The following FRY variants were observed in gnomAD, a reference collection of about 807,000 sequenced individuals.
The protein encoded by FRY is FRY microtubule binding protein.
A neutral mutation model predicts 348.4 loss-of-function variants in FRY; 128 were observed. That is an observed-to-expected ratio of 0.37 (90% CI 0.32 to 0.43). FRY has a LOEUF of 0.43. Ranked by LOEUF, FRY falls within the 20% of genes least tolerant of loss-of-function variation. The pLI is 1.00. For missense variants in FRY, 2,736 were observed against 3,695.2 expected, an observed-to-expected ratio of 0.74 and a Z score of 6.73; for synonymous variants, 1,370 against 1,374.7, an observed-to-expected ratio of 1.00 and a Z score of 0.08.
chr13:32,212,162 C>A lies in FRY; in HGVS notation c.4592-130C>A, dbSNP rs550365936. 14 of 670,456 alleles carry A rather than the reference C, an allele frequency of 2.1e-5. No homozygotes were observed. In the East Asian group the frequency reaches 3.0e-4, roughly 14 times the overall value. The allele number at this position is 670,456 out of a possible 1,614,324, so 41.5% of individuals were successfully genotyped here. Reference sequence around the variant, plus strand: ...ATTGTTTAGAATGTCTGAGATTGTGCAGAAGATGTAAAAAATCTTCCAAAC... The same window carrying A: ...ATTGTTTAGAATGTCTGAGATTGTGAAGAAGATGTAAAAAATCTTCCAAAC... On this transcript the variant is annotated intron_variant, in intron 34 of 60. Transcript: ENST00000542859.
chr13:32,159,294 A>G (rs767118992), intron 16 of FRY, among the ~76,000 whole-genome samples: 3 of 152,008 alleles, frequency 2.0e-5, no homozygotes, highest in Non-Finnish European at 4.4e-5. Flanking sequence ...AGCATTTAGG[A>G]GAAGAGGGTG....
intron 29 of FRY, among the ~76,000 whole-genome samples, chr13:32,196,570 G>A (rs1410169911): frequency 6.6e-6 from 1 of 152,110 alleles, no homozygotes; most frequent in Non-Finnish European, 1.5e-5. Context: ...GACTGTGTGT[G>A]AGTGTGAGAG....
chr13:32,121,063 G>T (rs576027616), intron 4 of FRY, among the ~76,000 whole-genome samples: 1 of 152,254 alleles, frequency 6.6e-6, no homozygotes, highest in East Asian at 1.9e-4. Context: ...TAGAATAATA[G>T]TCTCCAATCT....
rs1424832077 is a variant in FRY, at chr13:32,257,827, C to T, written c.7416+3433C>T. 133 of 699,172 alleles carry T rather than the reference C, an allele frequency of 1.9e-4. No homozygotes were observed. The East Asian group carries it at 3.4e-3, about 18-fold the overall frequency. The allele number at this position is 699,172 out of a possible 1,614,324, so 43.3% of individuals were successfully genotyped here. On this transcript the variant is annotated intron_variant, in intron 51 of 60. Coordinates refer to ENST00000542859, the MANE Select transcript of FRY (RefSeq NM_023037.3). ...TATTTACCTTTTCTTTTAAGGTGCA[C>T]CTACTGAAGTGTATATTGTTAGCAC... is the stretch of plus-strand genomic sequence containing the variant.
intron 4 of FRY, among the ~76,000 whole-genome samples, chr13:32,119,748 G>T (rs368012327): frequency 6.6e-6 from 1 of 152,058 alleles, no homozygotes; most frequent in Non-Finnish European, 1.5e-5. Context: ...CCCCCAGCTC[G>T]CAGTGCCGCT....
chr13:32,243,841 C>T (rs1886634257), intron 46 of FRY, among the ~76,000 whole-genome samples: 1 of 152,094 alleles, frequency 6.6e-6, no homozygotes, highest in African/African-American at 2.4e-5. Flanking sequence ...GCCTATAATC[C>T]CAGATACTTT....
At chr13:32,077,656 T>A (rs986259313) in intron 1 of FRY, among the ~76,000 whole-genome samples, 3 of 152,236 alleles carry the variant, frequency 2.0e-5, no homozygotes, top group Non-Finnish European at 2.9e-5. Context: ...TCCTCAGAAC[T>A]TGGCTTGAGA....
chr13:32,259,119 A>C (rs145139035), intron 51 of FRY, among the ~76,000 whole-genome samples: 11 of 152,318 alleles, frequency 7.2e-5, no homozygotes, highest in African/African-American at 2.6e-4. Context: ...ATTTTCTCAC[A>C]TGTAGGAAAC....
At chr13:32,109,338 CA>C (rs1877802042) in intron 3 of FRY, among the ~76,000 whole-genome samples, 1 of 151,932 alleles carries the variant, frequency 6.6e-6, no homozygotes. Flanking sequence ...TTCTCAATCC[CA>C]GAAGGAAGAC....
At chr13:32,121,253 G>A (rs551185126) in intron 4 of FRY, among the ~76,000 whole-genome samples, 1 of 152,104 alleles carries the variant, frequency 6.6e-6, no homozygotes, top group African/African-American at 2.4e-5. Context: ...TATCTTTTTC[G>A]AATAATGACT....
chr13:32,054,592 G>A (rs1873520682), intron 1 of FRY, among the ~76,000 whole-genome samples: 4 of 152,274 alleles, frequency 2.6e-5, no homozygotes, highest in South Asian at 4.1e-4. Context: ...GTAAGAAACA[G>A]GCTGGGCGCA....
intron 48 of FRY, among the ~76,000 whole-genome samples, chr13:32,248,503 C>T (rs995260700): frequency 6.6e-6 from 1 of 150,984 alleles, no homozygotes; most frequent in African/African-American, 2.5e-5. Flanking sequence ...GCACATTCTG[C>T]ACATGTACCC....
At chr13:32,041,762 A>C (rs1351186160) in intron 1 of FRY, among the ~76,000 whole-genome samples, 5 of 152,202 alleles carry the variant, frequency 3.3e-5, no homozygotes, top group East Asian at 1.9e-4. Context: ...AGAATAGGAA[A>C]ATCAGAGATG....
At chr13:32,219,616 G>A (rs1253480927) in intron 36 of FRY, among the ~76,000 whole-genome samples, 11 of 151,478 alleles carry the variant, frequency 7.3e-5, no homozygotes, top group East Asian at 2.0e-4. Context: ...AAAATTAGCC[G>A]GGCATGGTGG....
intron 14 of FRY, among the ~76,000 whole-genome samples, chr13:32,150,709 G>C (rs1192414997): frequency 6.6e-6 from 1 of 152,168 alleles, no homozygotes; most frequent in African/African-American, 2.4e-5. Flanking sequence ...CAAATACATA[G>C]AGAGTTCCTG....
chr13:32,135,712 C>T (rs899465757), intron 10 of FRY, among the ~76,000 whole-genome samples: 3 of 152,178 alleles, frequency 2.0e-5, no homozygotes, highest in Non-Finnish European at 2.9e-5. Context: ...TTACCACCAC[C>T]TTTTACCCGC....
chr13:32,186,215 C>T, intron 26 of FRY, 45 bp from the exon 27 acceptor site: 1 of 1,347,042 alleles, frequency 7.4e-7, no homozygotes, highest in East Asian at 2.3e-5. Context: ...TAGCGATATA[C>T]AGTATGTCCA....
intron 1 of FRY, among the ~76,000 whole-genome samples, chr13:32,072,142 T>G (rs1476057768): frequency 6.6e-6 from 1 of 152,148 alleles, no homozygotes; most frequent in Non-Finnish European, 1.5e-5. Context: ...ATTCTGAAAC[T>G]TGAAGGAACA....
intron 4 of FRY, 21 bp from the exon 5 acceptor site, chr13:32,124,265 T>G: frequency 7.1e-7 from 1 of 1,407,122 alleles, no homozygotes; most frequent in Non-Finnish European, 1.0e-6. Context: ...TGCTTTAATG[T>G]AAATATTTTA....
Sources: allele counts gnomAD v4.1 joint callset (sites outside exome capture counted in the v4.1 genomes callset), GRCh38; gene constraint gnomAD v4.1.1; transcripts MANE v1.5; gene names NCBI Gene and HGNC (gene_info 2026-07-23, HGNC 2026-07-21).